CACNA2D3: variants seen among roughly 807,000 people sequenced by gnomAD.
CACNA2D3 encodes voltage-dependent calcium channel subunit alpha-2/delta-3.
Under a neutral mutation model 160.6 loss-of-function variants are expected in CACNA2D3, and 60 were observed. That is an observed-to-expected ratio of 0.37 (90% CI 0.30 to 0.46). The LOEUF (loss-of-function observed/expected upper bound fraction) is 0.46, where lower values mean the gene tolerates loss of function less well. Among genes scored for constraint, CACNA2D3 ranks in the 20% least tolerant of loss-of-function variants. The pLI, the probability that CACNA2D3 is intolerant of heterozygous loss-of-function variation, is 1.00. For missense variants in CACNA2D3, 1,205 were observed against 1,365.0 expected (o/e 0.88, Z 1.85); for synonymous variants, 558 against 492.9 (o/e 1.13, Z -1.75).
At chr3:54,997,738 G>A (rs563169355) in intron 31 of CACNA2D3, among the ~76,000 whole-genome samples, 16 of 152,186 alleles carry the variant, frequency 1.1e-4, no homozygotes, top group Non-Finnish European at 1.9e-4. Flanking sequence ...GAAAAGAAAA[G>A]GAAAGAAAAT....
At chr3:54,594,970 A>C (rs769599319) in intron 9 of CACNA2D3, among the ~76,000 whole-genome samples, 1 of 152,202 alleles carries the variant, frequency 6.6e-6, no homozygotes, top group African/African-American at 2.4e-5. Context: ...TATCTTCACT[A>C]TCTGAGCAGG....
At chr3:54,442,116 T>C (rs935911175) in intron 4 of CACNA2D3, among the ~76,000 whole-genome samples, 1 of 152,110 alleles carries the variant, frequency 6.6e-6, no homozygotes, top group Non-Finnish European at 1.5e-5. Flanking sequence ...GCTCATACGC[T>C]TAAATTGTTG....
intron 35 of CACNA2D3, among the ~76,000 whole-genome samples, chr3:55,061,230 A>G (rs1704498443): frequency 6.6e-6 from 1 of 152,260 alleles, no homozygotes; most frequent in Non-Finnish European, 1.5e-5. Context: ...ATAAATAAGT[A>G]TAACAAAGAG....
intron 14 of CACNA2D3, among the ~76,000 whole-genome samples, chr3:54,818,191 GTTTTA>G (rs1703502069): frequency 6.6e-6 from 1 of 152,110 alleles, no homozygotes. Flanking sequence ...GTAGAAATTT[GTTTTA>G]TTTTATTTTT....
At chr3:54,567,130 C>T (rs1480073996) in intron 6 of CACNA2D3, among the ~76,000 whole-genome samples, 2 of 152,140 alleles carry the variant, frequency 1.3e-5, no homozygotes, top group Non-Finnish European at 2.9e-5. Flanking sequence ...TGCGTAATCT[C>T]TCAGGAGATT....
chr3:55,006,234 C>A (rs1703090183), intron 32 of CACNA2D3, among the ~76,000 whole-genome samples: 1 of 152,096 alleles, frequency 6.6e-6, no homozygotes, highest in Non-Finnish European at 1.5e-5. Context: ...TTTTTTTAAT[C>A]CTGTATTTGC....
At chr3:54,898,158 TTA>T (rs1440814205) in intron 26 of CACNA2D3, among the ~76,000 whole-genome samples, 3 of 117,838 alleles carry the variant, frequency 2.5e-5, no homozygotes, top group African/African-American at 1.1e-4. Flanking sequence ...CTTTCTTTCT[TTA>T]TCTTTCTTTT....
chr3:54,895,032 C>A (rs989045476), intron 25 of CACNA2D3, among the ~76,000 whole-genome samples: 2 of 152,000 alleles, frequency 1.3e-5, no homozygotes, highest in African/African-American at 4.8e-5. Context: ...TCTGGAGAGT[C>A]ATTTTGTCAG....
intron 31 of CACNA2D3, among the ~76,000 whole-genome samples, chr3:54,988,900 T>C (rs1702678122): frequency 6.6e-6 from 1 of 152,378 alleles, no homozygotes; most frequent in Admixed American, 6.5e-5. Flanking sequence ...GGCCTGCCTG[T>C]AGCAGATCGT....
At chr3:54,263,992 G>A (rs1702453715) in intron 2 of CACNA2D3, among the ~76,000 whole-genome samples, 1 of 152,144 alleles carries the variant, frequency 6.6e-6, no homozygotes, top group African/African-American at 2.4e-5. Context: ...ATGCCATCTT[G>A]TAGTGACAAT....
Position 54,175,744 on chromosome 3 carries a change from A to G in CACNA2D3, c.204+52150A>G, listed in dbSNP as rs1374624494. On this transcript the variant is annotated intron_variant, in intron 2 of 37. Transcript: ENST00000474759. ...CCCAGTGGGGTGCAGAAGCTGATAT[A>G]CCATCTTGAGGTTACAGAAAGAATA... 2.0e-5 allele frequency among the ~76,000 whole-genome samples: 3 copies of G among 152,130 alleles called. 1 individual carries two copies. Among genetic ancestry groups the G allele is most frequent in the Non-Finnish European group, 4.4e-5 (3 of 68,018 alleles).
At chr3:54,815,038 T>A (rs144353172) in intron 13 of CACNA2D3, among the ~76,000 whole-genome samples, 2 of 152,370 alleles carry the variant, frequency 1.3e-5, no homozygotes, top group African/African-American at 4.8e-5. Context: ...TTGTTTCCTG[T>A]TGTGTGAAAA....
intron 2 of CACNA2D3, among the ~76,000 whole-genome samples, chr3:54,239,408 T>A (rs1701937951): frequency 6.6e-6 from 1 of 152,230 alleles, no homozygotes; most frequent in Non-Finnish European, 1.5e-5. Context: ...ATAATTCAGA[T>A]GGAGAGACAA....
At chr3:54,929,608 C>T (rs1167367137) in intron 27 of CACNA2D3, among the ~76,000 whole-genome samples, 4 of 150,558 alleles carry the variant, frequency 2.7e-5, no homozygotes, top group African/African-American at 9.8e-5. Context: ...TTTACGCAAC[C>T]TGCCATCTTT....
chr3:54,653,334 T>C (rs578032), intron 11 of CACNA2D3, among the ~76,000 whole-genome samples: 55,936 of 152,086 alleles, frequency 0.37, 11,457 homozygotes, highest in East Asian at 0.5. Context: ...TGCTGACATT[T>C]CTCTCTTCTC....
intron 27 of CACNA2D3, among the ~76,000 whole-genome samples, chr3:54,922,695 G>A (rs1700888698): frequency 6.6e-6 from 1 of 152,052 alleles, no homozygotes; most frequent in Non-Finnish European, 1.5e-5. Flanking sequence ...ACATCTTCCT[G>A]AGCTTCGGGC....
At chr3:54,567,663 G>A (rs1383850606) in intron 6 of CACNA2D3, among the ~76,000 whole-genome samples, 3 of 152,180 alleles carry the variant, frequency 2.0e-5, no homozygotes, top group East Asian at 1.9e-4. Context: ...AACCTGCCAA[G>A]TAGCTGGGAT....
chr3:54,605,079 T>C (rs1258592513), intron 9 of CACNA2D3, among the ~76,000 whole-genome samples: 1 of 152,150 alleles, frequency 6.6e-6, no homozygotes, highest in Non-Finnish European at 1.5e-5. Flanking sequence ...TCTTTGGTGT[T>C]CTCTGGCTTG....
chr3:54,161,739 G>A (rs144566281), intron 2 of CACNA2D3, among the ~76,000 whole-genome samples: 11 of 152,324 alleles, frequency 7.2e-5, no homozygotes, highest in African/African-American at 2.2e-4. Flanking sequence ...TTCTTAGGTT[G>A]CCATCCTCTT....
Sources: gnomAD v4.1 joint callset for allele counts (sites outside exome capture counted in the v4.1 genomes callset) on GRCh38, gnomAD v4.1.1 for gene constraint, MANE v1.5 for transcripts, NCBI Gene and HGNC (gene_info 2026-07-23, HGNC 2026-07-21) for gene names.